LRP1B: variants seen among roughly 807,000 people sequenced by gnomAD.
LRP1B encodes the protein LDL receptor related protein 1B, also known as low-density lipoprotein receptor-related protein 1B.
In LRP1B, 217 loss-of-function variants were observed where a neutral mutation model predicts 556.6. That is an observed-to-expected ratio of 0.39 (90% CI 0.35 to 0.44). LRP1B has a LOEUF of 0.44. Ranked by LOEUF, LRP1B falls within the 20% of genes least tolerant of loss-of-function variation. The pLI, the probability that LRP1B is intolerant of heterozygous loss-of-function variation, is 1.00. For synonymous variants in LRP1B, 2,047 were observed against 1,865.8 expected, an observed-to-expected ratio of 1.10 and a Z score of -2.50; for missense variants, 5,053 against 5,620.8, an observed-to-expected ratio of 0.90 and a Z score of 3.23.
At chr2:140,760,253 A>AC (rs1688869325) in intron 35 of LRP1B, among the ~76,000 whole-genome samples, 1 of 152,210 alleles carries the variant, frequency 6.6e-6, no homozygotes, top group Non-Finnish European at 1.5e-5. Flanking sequence ...AGGTTTCTTG[A>AC]CCTTAGCACT....
At chr2:140,566,787 A>G (rs1034709245) in intron 43 of LRP1B, among the ~76,000 whole-genome samples, 3 of 152,098 alleles carry the variant, frequency 2.0e-5, no homozygotes, top group African/African-American at 7.2e-5. Flanking sequence ...GGGAAAACAT[A>G]CTGTACCCTG....
At chr2:140,327,457 A>ATTTGAAGTCAT (rs1680548695) in intron 79 of LRP1B, among the ~76,000 whole-genome samples, 1 of 152,100 alleles carries the variant, frequency 6.6e-6, no homozygotes, top group Admixed American at 6.6e-5. Context: ...TTAAATCGCT[A>ATTTGAAGTCAT]TTTGAAGTCA....
intron 43 of LRP1B, among the ~76,000 whole-genome samples, chr2:140,592,140 G>C (rs925011754): frequency 4.6e-5 from 7 of 151,666 alleles, no homozygotes; most frequent in Admixed American, 3.9e-4. Flanking sequence ...TTATAGTTCA[G>C]GTACTAAATA....
intron 15 of LRP1B, among the ~76,000 whole-genome samples, chr2:140,996,639 T>C (rs1244272292): frequency 3.3e-5 from 5 of 152,016 alleles, no homozygotes; most frequent in African/African-American, 1.2e-4. Flanking sequence ...ATTGGCATTA[T>C]TGCAGTGAGA....
At chr2:140,620,861 C>T (rs944392851) in intron 41 of LRP1B, among the ~76,000 whole-genome samples, 1 of 151,908 alleles carries the variant, frequency 6.6e-6, no homozygotes, top group Non-Finnish European at 1.5e-5. Flanking sequence ...AACAATTATC[C>T]TGAACTCTAA....
At chr2:141,633,506 T>C (rs1190048627) in intron 2 of LRP1B, among the ~76,000 whole-genome samples, 1 of 152,112 alleles carries the variant, frequency 6.6e-6, no homozygotes, top group Non-Finnish European at 1.5e-5. Flanking sequence ...TCTGATTATT[T>C]CTTATTTCTT....
chr2:141,878,943 T>A (rs1397742209), intron 1 of LRP1B, among the ~76,000 whole-genome samples: 1 of 151,908 alleles, frequency 6.6e-6, no homozygotes, highest in Non-Finnish European at 1.5e-5. Flanking sequence ...CACTAGTACC[T>A]CCACCATCAC....
At chr2:140,552,090 GGGAC>G (rs1680566409) in intron 43 of LRP1B, among the ~76,000 whole-genome samples, 1 of 152,098 alleles carries the variant, frequency 6.6e-6, no homozygotes, top group Admixed American at 6.6e-5. Flanking sequence ...CTTGGTGACA[GGGAC>G]TAGAGAAACT....
chr2:140,946,594 CA>C (rs1345520588), intron 20 of LRP1B, among the ~76,000 whole-genome samples: 14 of 152,184 alleles, frequency 9.2e-5, no homozygotes, highest in Middle Eastern at 6.8e-3. Flanking sequence ...GAGTGATACT[CA>C]GTCTCAAACA....
chr2:141,927,071 G>A (rs1700354181), intron 1 of LRP1B, among the ~76,000 whole-genome samples: 1 of 152,042 alleles, frequency 6.6e-6, no homozygotes, highest in Admixed American at 6.6e-5. Flanking sequence ...ACCTCTTAAA[G>A]GTAAGGGTTC....
At chr2:141,631,100 T>TA (rs1333766414) in intron 2 of LRP1B, among the ~76,000 whole-genome samples, 2 of 152,132 alleles carry the variant, frequency 1.3e-5, no homozygotes, top group African/African-American at 4.8e-5. Context: ...TCAGGAAACT[T>TA]ACAATCATGG....
chr2:141,364,063 T>C lies in LRP1B; in HGVS notation c.344-109422A>G, dbSNP rs566795146. Among the ~76,000 whole-genome samples the C allele has an allele frequency of 2.6e-5, 4 of 152,290 alleles. No homozygotes were observed. The South Asian group carries it at 8.3e-4, about 32-fold the overall frequency. ...TATCTCATCCAGCATTCAGTCCTTA[T>C]CTTGATACAAACTCAAGGGCAAGTA... On this transcript the variant is annotated intron_variant, in intron 3 of 90. Coordinates refer to ENST00000389484, the MANE Select transcript of LRP1B (RefSeq NM_018557.3).
intron 41 of LRP1B, among the ~76,000 whole-genome samples, chr2:140,627,848 A>G (rs534224805): frequency 6.6e-6 from 1 of 152,304 alleles, no homozygotes; most frequent in Non-Finnish European, 1.5e-5. Flanking sequence ...TTTATAAGAT[A>G]GACATGAAAG....
At chr2:141,612,439 A>G (rs970570603) in intron 2 of LRP1B, among the ~76,000 whole-genome samples, 1 of 152,142 alleles carries the variant, frequency 6.6e-6, no homozygotes, top group Non-Finnish European at 1.5e-5. Context: ...ATTAAACTAC[A>G]TAGGGTAGAG....
intron 31 of LRP1B, among the ~76,000 whole-genome samples, chr2:140,835,512 C>G (rs1691868450): frequency 6.6e-6 from 1 of 152,170 alleles, no homozygotes; most frequent in Non-Finnish European, 1.5e-5. Context: ...AAACTTCAGT[C>G]ACATTGCTCT....
At chr2:141,870,243 T>G (rs556762324) in intron 1 of LRP1B, among the ~76,000 whole-genome samples, 1 of 152,080 alleles carries the variant, frequency 6.6e-6, no homozygotes, top group Non-Finnish European at 1.5e-5. Context: ...ACTCTTATTT[T>G]TATTCTTCCT....
At chr2:141,680,711 A>T (rs355553) in intron 2 of LRP1B, among the ~76,000 whole-genome samples, 68,327 of 152,020 alleles carry the variant, frequency 0.45, 15,951 homozygotes, top group East Asian at 0.59. Flanking sequence ...TTTGCAGAAA[A>T]GAGACTGAGA....
intron 25 of LRP1B, among the ~76,000 whole-genome samples, chr2:140,870,149 A>C (rs1268445774): frequency 6.6e-6 from 1 of 152,112 alleles, no homozygotes; most frequent in Non-Finnish European, 1.5e-5. Flanking sequence ...AAAGACAAAA[A>C]AAGACTCATC....
rs1687928270 is a variant in LRP1B at position 140,475,314 on chromosome 2, C to T, written c.9449G>A (p.Cys3150Tyr). The change falls in exon 60 of 91, where the codon TGC (cysteine) becomes TAC (tyrosine). Residue 3150 changes from cysteine to tyrosine, a missense_variant. Cys to Tyr is a radical substitution (Grantham distance 194). Coordinates refer to ENST00000389484, the MANE Select transcript of LRP1B (RefSeq NM_018557.3). ...QAGYLYWIDC[C>Y]EYPHIGRVGM... Reference sequence around the variant, plus strand: ...AACACGGCCAATATGAGGATACTCGCAGCAGTCAATCCAATACAAATATCT... The same window carrying T: ...AACACGGCCAATATGAGGATACTCGTAGCAGTCAATCCAATACAAATATCT... 2 of 1,605,658 alleles carry T rather than the reference C, an allele frequency of 1.2e-6. No homozygotes were observed.
Sources: allele counts gnomAD v4.1 joint callset (sites outside exome capture counted in the v4.1 genomes callset), GRCh38; gene constraint gnomAD v4.1.1; transcripts MANE v1.5; gene names NCBI Gene and HGNC (gene_info 2026-07-23, HGNC 2026-07-21).